Variants in GRM7 observed in about 807,000 individuals in gnomAD.
The protein encoded by GRM7 is glutamate metabotropic receptor 7.
A neutral mutation model predicts 84.5 loss-of-function variants in GRM7; 35 were observed. The ratio of observed to expected loss-of-function variants is 0.41; its 90% CI spans 0.32 to 0.55. The LOEUF is 0.55. Ranked by LOEUF, GRM7 falls within the 20% of genes least tolerant of loss-of-function variation. The pLI, the probability that GRM7 is intolerant of heterozygous loss-of-function variation, is 0.19. For missense variants in GRM7, 1,003 were observed against 1,194.6 expected (o/e 0.84, Z 2.36); for synonymous variants, 487 against 455.1 (o/e 1.07, Z -0.89).
intron 5 of GRM7, among the ~76,000 whole-genome samples, chr3:7,433,122 C>A (rs556690595): frequency 6.6e-6 from 1 of 152,250 alleles, no homozygotes; most frequent in East Asian, 1.9e-4. Context: ...ACTCTGAAGA[C>A]AAAGAGAATA....
At chr3:6,885,370 G>C (rs1695651688) in intron 1 of GRM7, among the ~76,000 whole-genome samples, 1 of 152,220 alleles carries the variant, frequency 6.6e-6, no homozygotes, top group African/African-American at 2.4e-5. Flanking sequence ...AACTTATGCA[G>C]AAATTTCTAG....
intron 1 of GRM7, among the ~76,000 whole-genome samples, chr3:7,000,920 T>G (rs1267723045): frequency 6.6e-6 from 1 of 152,272 alleles, no homozygotes; most frequent in African/African-American, 2.4e-5. Context: ...TAGGAATCCT[T>G]CAAGGCATAC....
intron 6 of GRM7, among the ~76,000 whole-genome samples, chr3:7,459,057 T>C (rs1004546598): frequency 6.6e-6 from 1 of 152,216 alleles, no homozygotes; most frequent in African/African-American, 2.4e-5. Flanking sequence ...TGTTGATTCT[T>C]ACACACAGCA....
intron 1 of GRM7, among the ~76,000 whole-genome samples, chr3:7,141,694 C>G (rs1559466598): frequency 1.3e-5 from 2 of 151,094 alleles, no homozygotes. Flanking sequence ...ACTCTAAGCT[C>G]ATAACAGCTA....
chr3:7,103,816 T>TTCTCTCTTTC (rs1699203354), intron 1 of GRM7, among the ~76,000 whole-genome samples: 1 of 89,058 alleles, frequency 1.1e-5, no homozygotes, highest in African/African-American at 4.8e-5. Context: ...CTTTCTTTCT[T>TTCTCTCTTTC]TCTCTCTCTC....
At chr3:7,056,504 C>CA (rs1407391331) in intron 1 of GRM7, among the ~76,000 whole-genome samples, 1 of 151,964 alleles carries the variant, frequency 6.6e-6, no homozygotes, top group East Asian at 1.9e-4. Context: ...CATTTTGAGA[C>CA]ATTTAGGACC....
rs1693520094 is a variant in GRM7 at position 7,358,734 on chromosome 3, A to AGG, written c.1033+52082_1033+52083insGG. ...TGGGATAAGCTTCTCTTTTGAATAC[A>AGG]TATTATTTTTTATAGGTGACTGCCC... On this transcript the variant is annotated intron_variant, in intron 4 of 9. Coordinates refer to ENST00000357716, the MANE Select transcript of GRM7 (RefSeq NM_000844.4). Among the ~76,000 whole-genome samples the AGG allele has an allele frequency of 4.0e-5, 5 of 124,854 alleles. 1 individual carries two copies. The highest frequency in any genetic ancestry group is 7.0e-5 in the African/African-American group (2 of 28,758). The allele number at this position is 124,854 out of a possible 152,430, so 81.9% of individuals were successfully genotyped here. A position where few individuals can be genotyped will look rare whatever the true frequency, so the allele number is the denominator to read the frequency against.
intron 1 of GRM7, among the ~76,000 whole-genome samples, chr3:6,889,972 T>A (rs1010874731): frequency 7.7e-4 from 117 of 152,340 alleles, no homozygotes; most frequent in Admixed American, 1.6e-3. Flanking sequence ...AGGGTGTACG[T>A]GTCGAGGAAT....
chr3:7,734,493 G>A (rs1181659010), intron 9 of GRM7, among the ~76,000 whole-genome samples: 1 of 152,186 alleles, frequency 6.6e-6, no homozygotes, highest in Non-Finnish European at 1.5e-5. Flanking sequence ...TTTAATATGT[G>A]TTAAGTAATA....
intron 1 of GRM7, among the ~76,000 whole-genome samples, chr3:7,005,103 G>T (rs1264077751): frequency 1.3e-5 from 2 of 152,200 alleles, no homozygotes; most frequent in Admixed American, 6.5e-5. Flanking sequence ...GAGACATATG[G>T]CCAGATGGCA....
chr3:7,320,280 A>G (rs548863236), intron 4 of GRM7, among the ~76,000 whole-genome samples: 3 of 152,160 alleles, frequency 2.0e-5, no homozygotes, highest in African/African-American at 7.2e-5. Context: ...AAGCATACAA[A>G]TCTATTTAAT....
chr3:7,397,776 A>G (rs1365117158), intron 4 of GRM7, among the ~76,000 whole-genome samples: 2 of 152,116 alleles, frequency 1.3e-5, no homozygotes, highest in East Asian at 3.9e-4. Flanking sequence ...TTGGCAATGT[A>G]TGAAGATACT....
intron 1 of GRM7, among the ~76,000 whole-genome samples, chr3:7,077,001 T>A (rs185442387): frequency 5.1e-4 from 78 of 152,226 alleles, no homozygotes; most frequent in Non-Finnish European, 9.3e-4. Flanking sequence ...ATTAGAGAAA[T>A]GCAAATCAAA....
intron 1 of GRM7, among the ~76,000 whole-genome samples, chr3:6,929,484 CA>C (rs1233451299): frequency 6.6e-6 from 1 of 152,190 alleles, no homozygotes; most frequent in African/African-American, 2.4e-5. Flanking sequence ...GATACAGTAG[CA>C]GACTGCCTGC....
At chr3:7,018,489 C>A (rs76314373) in intron 1 of GRM7, among the ~76,000 whole-genome samples, 2,112 of 152,354 alleles carry the variant, frequency 0.014, 50 homozygotes, top group African/African-American at 0.047. Flanking sequence ...GCAAAGGTGG[C>A]CCCATGGCCC....
Position 7,186,615 on chromosome 3 carries a change from A to ATGTC in GRM7, c.736+39961_736+39964dup, listed in dbSNP as rs747864657. 1.1e-4 allele frequency among the ~76,000 whole-genome samples: 17 copies of ATGTC among 152,136 alleles called. No individual in the cohort carries two copies. The South Asian group carries it at 1.2e-3, about 11-fold the overall frequency. On this transcript the variant is annotated intron_variant, in intron 2 of 9. Coordinates refer to ENST00000357716, the MANE Select transcript of GRM7 (RefSeq NM_000844.4). ...GATTCCCTGTTTTTATCAGACAATA[A>ATGTC]TGTCTGTCTGTCTGTCTATCTAATC... is the stretch of plus-strand genomic sequence containing the variant.
intron 1 of GRM7, among the ~76,000 whole-genome samples, chr3:6,934,420 A>T (rs1697615133): frequency 6.6e-6 from 1 of 152,158 alleles, no homozygotes; most frequent in South Asian, 2.1e-4. Context: ...TCTCTTCATT[A>T]CATTAGGAAA....
At chr3:7,560,838 C>G (rs1375508293) in intron 7 of GRM7, among the ~76,000 whole-genome samples, 1 of 152,116 alleles carries the variant, frequency 6.6e-6, no homozygotes, top group African/African-American at 2.4e-5. Flanking sequence ...CTGTTTAACA[C>G]TTATTATAAT....
intron 2 of GRM7, among the ~76,000 whole-genome samples, chr3:7,167,261 A>C (rs1694830336): frequency 1.3e-5 from 2 of 152,180 alleles, no homozygotes; most frequent in African/African-American, 4.8e-5. Flanking sequence ...TGCTGTCAGC[A>C]TTCAATTTGG....
Sources: gnomAD v4.1 joint callset for allele counts (sites outside exome capture counted in the v4.1 genomes callset) on GRCh38, gnomAD v4.1.1 for gene constraint, MANE v1.5 for transcripts, NCBI Gene and HGNC (gene_info 2026-07-23, HGNC 2026-07-21) for gene names.